The following UBE2E1 variants were observed in gnomAD, a reference collection of about 807,000 sequenced individuals.
UBE2E1 encodes ubiquitin conjugating enzyme E2 E1.
A neutral mutation model predicts 21.4 loss-of-function variants in UBE2E1; 6 were observed. That is an observed-to-expected ratio of 0.28 (90% CI 0.15 to 0.55). The LOEUF (loss-of-function observed/expected upper bound fraction) is 0.55. Among genes scored for constraint, UBE2E1 ranks in the 20% least tolerant of loss-of-function variants. The probability of loss-of-function intolerance (pLI) is 0.93; values close to 1 mark genes in which losing one functional copy is unlikely to be tolerated. For missense variants in UBE2E1, 142 were observed against 236.5 expected (o/e 0.60, Z 2.62); for synonymous variants, 87 against 82.7 (o/e 1.05, Z -0.28).
At chr3:23,845,115 A>G (rs1423457108) in intron 3 of UBE2E1, among the ~76,000 whole-genome samples, 1 of 152,234 alleles carries the variant, frequency 6.6e-6, no homozygotes, top group East Asian at 1.9e-4. Context: ...TTTTAAAACT[A>G]TACAATGAAG....
At chr3:23,807,936 T>C (rs1699312904) in intron 2 of UBE2E1, 1 of 152,264 alleles carries the variant, frequency 6.6e-6, no homozygotes, top group African/African-American at 2.4e-5. Context: ...AGACAGATGT[T>C]TTCTGGTGGA....
At chr3:23,838,796 G>A (rs1226889190) in intron 3 of UBE2E1, among the ~76,000 whole-genome samples, 1 of 151,944 alleles carries the variant, frequency 6.6e-6, no homozygotes, top group Non-Finnish European at 1.5e-5. Context: ...TACCGTGCCA[G>A]GCCTGATATA....
At chr3:23,855,052 T>G (rs2125309798) in intron 3 of UBE2E1, among the ~76,000 whole-genome samples, 1 of 152,310 alleles carries the variant, frequency 6.6e-6, no homozygotes, top group African/African-American at 2.4e-5. Flanking sequence ...ATGAGAAATG[T>G]TTTTCAACTT....
chr3:23,843,417 A>G (rs1700134899), intron 3 of UBE2E1, among the ~76,000 whole-genome samples: 1 of 152,132 alleles, frequency 6.6e-6, no homozygotes, highest in Non-Finnish European at 1.5e-5. Context: ...GATAATATAG[A>G]TTTTCTCAGT....
rs535609411 is a variant in UBE2E1 at position 23,809,630 on chromosome 3, C to T, written c.153-1830C>T. Among the ~76,000 whole-genome samples, 54 of 152,296 alleles carry T rather than the reference C, an allele frequency of 3.5e-4. 1 individual carries two copies. The highest frequency in any genetic ancestry group is 1.2e-3 in the African/African-American group (50 of 41,552). ...AGTTGATAAAGCTTTTTGGTATTAA[C>T]GCTTCTTAGGTATTAAAGAAACAAC... is the stretch of plus-strand genomic sequence containing the variant. On this transcript the variant is annotated intron_variant, in intron 2 of 5. Transcript: ENST00000306627.
At chr3:23,878,012 T>C (rs1026440779) in intron 3 of UBE2E1, among the ~76,000 whole-genome samples, 1 of 152,196 alleles carries the variant, frequency 6.6e-6, no homozygotes, top group South Asian at 2.1e-4. Context: ...TTACTTCTGC[T>C]GCTGTCCGCA....
intron 3 of UBE2E1, among the ~76,000 whole-genome samples, chr3:23,862,154 C>A (rs1042373639): frequency 1.3e-5 from 2 of 152,132 alleles, no homozygotes; most frequent in African/African-American, 2.4e-5. Flanking sequence ...CCATCACACA[C>A]CTGCAAGTGG....
intron 3 of UBE2E1, among the ~76,000 whole-genome samples, chr3:23,818,543 C>T (rs1050044794): frequency 1.3e-5 from 2 of 152,148 alleles, no homozygotes; most frequent in Admixed American, 6.5e-5. Flanking sequence ...CACCCTTCAC[C>T]GTGATTCCTC....
At chr3:23,832,653 T>G (rs1699894346) in intron 3 of UBE2E1, among the ~76,000 whole-genome samples, 1 of 152,054 alleles carries the variant, frequency 6.6e-6, no homozygotes, top group South Asian at 2.1e-4. Flanking sequence ...GAGAATCGCT[T>G]GAAGCCGGGA....
chr3:23,857,829 G>A (rs1325900442), intron 3 of UBE2E1, among the ~76,000 whole-genome samples: 1 of 152,162 alleles, frequency 6.6e-6, no homozygotes, highest in South Asian at 2.1e-4. Flanking sequence ...TGAGATGGTA[G>A]CAATGACCTT....
intron 3 of UBE2E1, among the ~76,000 whole-genome samples, chr3:23,871,822 G>T (rs1379569321): frequency 6.6e-6 from 1 of 151,122 alleles, no homozygotes; most frequent in African/African-American, 2.4e-5. Flanking sequence ...GATGGCGGCC[G>T]GGAAGAGGCG....
chr3:23,866,380 G>C (rs1375106017), intron 3 of UBE2E1: 1 of 152,240 alleles, frequency 6.6e-6, no homozygotes. Context: ...TCATTCTAAT[G>C]ACTGCTGGAC....
rs1700591845 is a variant in UBE2E1 at position 23,863,260 on chromosome 3, T to TTATCCTGTTTTGC, written c.204-24305_204-24293dup. 6.6e-6 allele frequency among the ~76,000 whole-genome samples: 1 copy of TTATCCTGTTTTGC among 152,286 alleles called. No homozygotes were observed. Among genetic ancestry groups the TTATCCTGTTTTGC allele is most frequent in the East Asian group, 1.9e-4 (1 of 5,178 alleles). ...TTTCCTACCTAGTCACACTCTTCCT[T>TTATCCTGTTTTGC]TATCCTGTTTTGCTTAGATCAATGT... is the stretch of plus-strand genomic sequence containing the variant. On this transcript the variant is annotated intron_variant, in intron 3 of 5. Coordinates refer to ENST00000306627, the MANE Select transcript of UBE2E1 (RefSeq NM_003341.5). The surrounding 1 kb of genome is among the most constrained non-coding windows in gnomAD (Gnocchi z 4.3).
intron 3 of UBE2E1, among the ~76,000 whole-genome samples, chr3:23,826,536 A>G (rs1699763422): frequency 6.6e-6 from 1 of 152,148 alleles, no homozygotes; most frequent in Non-Finnish European, 1.5e-5. Flanking sequence ...GCTTGGAAAC[A>G]GGGAACCTCA....
intron 4 of UBE2E1, among the ~76,000 whole-genome samples, chr3:23,888,867 T>G (rs1015983964): frequency 2.6e-5 from 4 of 152,206 alleles, no homozygotes; most frequent in African/African-American, 9.7e-5. Context: ...TTAAAAGATT[T>G]AAAATTGCTA....
In UBE2E1 at chr3:23,853,282, C is replaced by T. The variant is rs1700365495; in HGVS notation, c.204-34285C>T. ...GTAGTAAGGGTATCAAGTTCTTTTG[C>T]TCTGAAAAAAATGAAAAATAAAATA... is the stretch of plus-strand genomic sequence containing the variant. On this transcript the variant is annotated intron_variant, in intron 3 of 5. Transcript: ENST00000306627. This position sits in a 1 kb window ranked among gnomAD's most constrained non-coding sequence, Gnocchi z 4.1. 6.6e-6 allele frequency among the ~76,000 whole-genome samples: 1 copy of T among 152,156 alleles called. No homozygotes were observed. Among genetic ancestry groups the T allele is most frequent in the Non-Finnish European group, 1.5e-5 (1 of 68,018 alleles).
At chr3:23,831,162 T>C (rs1699857549) in intron 3 of UBE2E1, among the ~76,000 whole-genome samples, 1 of 152,212 alleles carries the variant, frequency 6.6e-6, no homozygotes, top group Non-Finnish European at 1.5e-5. Context: ...GATAATATTA[T>C]AGGGATATTT....
chr3:23,826,339 A>G (rs541490153), intron 3 of UBE2E1, among the ~76,000 whole-genome samples: 15 of 152,358 alleles, frequency 9.8e-5, no homozygotes, highest in African/African-American at 3.6e-4. Context: ...ATGCATACAT[A>G]ATATTTAAAG....
chr3:23,886,338 CTTCT>C (rs1286954521), intron 3 of UBE2E1, among the ~76,000 whole-genome samples: 2 of 152,168 alleles, frequency 1.3e-5, no homozygotes, highest in African/African-American at 2.4e-5. Context: ...CTACAGTTTC[CTTCT>C]TTCTCTCACT....
Sources: allele counts gnomAD v4.1 joint callset (sites outside exome capture counted in the v4.1 genomes callset), GRCh38; gene constraint gnomAD v4.1.1; non-coding constraint Gnocchi (gnomAD v3.1); transcripts MANE v1.5; gene names NCBI Gene and HGNC (gene_info 2026-07-23, HGNC 2026-07-21).